The following AKR1B10 variants were observed in gnomAD, a reference collection of about 807,000 sequenced individuals.
The protein encoded by AKR1B10 is aldo-keto reductase family 1 member B10.
AKR1B10 carries 39 observed loss-of-function variants against 38.9 expected under a neutral mutation model. The observed-to-expected ratio is 1.00, with a 90% CI of 0.78 to 1.31. The LOEUF is 1.31. Ranked by LOEUF, AKR1B10 falls within the 50% of genes most tolerant of loss-of-function variation. The pLI is 0.00. For synonymous variants in AKR1B10, 148 were observed against 141.2 expected, an observed-to-expected ratio of 1.05 and a Z score of -0.34; for missense variants, 361 against 382.6, an observed-to-expected ratio of 0.94 and a Z score of 0.47.
chr7:134,541,073 T>G lies in AKR1B10; in HGVS notation c.935T>G (p.Phe312Cys). 6.3e-7 allele frequency: 1 copy of G among 1,582,530 alleles called. No homozygotes were observed. Among genetic ancestry groups the G allele is most frequent in the Non-Finnish European group, 8.7e-7 (1 of 1,152,342 alleles). Residue 312 changes from phenylalanine (F) to cysteine (C), a missense_variant, in exon 10 of 10, where the codon TTC (phenylalanine) becomes TGC (cysteine). Physicochemically the swap from Phe to Cys is radical, Grantham distance 205. Around this residue, in one of 3 missense-constraint regions of AKR1B10, gnomAD observed 132 missense variants for 134.6 expected, o/e 0.98. Coordinates refer to ENST00000359579, the MANE Select transcript of AKR1B10 (RefSeq NM_020299.5). ...LQSSHLEDYP[F>C]NAEY ...TCCTCTCATTTGGAAGACTATCCCT[T>G]CAATGCAGAATATTGAGGTTGAATC...
intron 4 of AKR1B10, among the ~76,000 whole-genome samples, chr7:134,533,705 A>G (rs747503143): frequency 6.6e-6 from 1 of 152,210 alleles, no homozygotes; most frequent in Admixed American, 6.5e-5. Context: ...CACCAAAGCC[A>G]TCAGCATGGT....
chr7:134,539,997 G>A (rs558359513), intron 9 of AKR1B10, among the ~76,000 whole-genome samples: 2 of 152,294 alleles, frequency 1.3e-5, no homozygotes, highest in South Asian at 4.1e-4. Flanking sequence ...GGAGGCCAAG[G>A]TGGGCTGATC....
intron 9 of AKR1B10, among the ~76,000 whole-genome samples, chr7:134,539,243 G>A (rs1196636929): frequency 6.6e-6 from 1 of 152,176 alleles, no homozygotes; most frequent in Non-Finnish European, 1.5e-5. Context: ...AATCATAACA[G>A]AAGGTGGGTT....
In AKR1B10 at chr7:134,536,783, T is replaced by C. The variant is rs1286982199; in HGVS notation, c.552+11T>C. The C allele has an allele frequency of 1.2e-6, 2 of 1,613,740 alleles. No homozygotes were observed. Among genetic ancestry groups the C allele is most frequent in the South Asian group, 1.1e-5 (1 of 91,070 alleles). On this transcript the variant is annotated intron_variant, in intron 5 of 9. Coordinates refer to ENST00000359579, the MANE Select transcript of AKR1B10 (RefSeq NM_020299.5). ...CCAGTGACTAACCAGGTAAATTCTA[T>C]TCAGTTTAAGGGTAAGGGTCCTGCC...
At chr7:134,530,571 C>A in intron 1 of AKR1B10, 72 bp from the exon 2 acceptor site, 1 of 1,562,634 alleles carries the variant, frequency 6.4e-7, no homozygotes, top group Non-Finnish European at 8.7e-7. Flanking sequence ...GTGAGGCCAG[C>A]CTGGGCAACA....
Position 134,530,813 on chromosome 7 carries a change from G to A in AKR1B10, c.234+3G>A, listed in dbSNP as rs2117537664. 6.2e-7 allele frequency: 1 copy of A among 1,607,356 alleles called. No homozygotes were observed. Among genetic ancestry groups the A allele is most frequent in the South Asian group, 1.1e-5 (1 of 89,626 alleles). On this transcript the variant is annotated splice_donor_region_variant and intron_variant, in intron 2 of 9. Transcript: ENST00000359579. Reference sequence around the variant, plus strand: ...AGGACCTGTTCATCGTCAGCAAGGTGCAATGGTGCATTTGGTGGGAGGCCT... The same window carrying A: ...AGGACCTGTTCATCGTCAGCAAGGTACAATGGTGCATTTGGTGGGAGGCCT...
intron 1 of AKR1B10, 116 bp from the exon 2 acceptor site, chr7:134,530,527 T>G: frequency 9.1e-7 from 1 of 1,099,076 alleles, no homozygotes; most frequent in Non-Finnish European, 1.3e-6. Context: ...TTCCAGCTAC[T>G]CGGGAGGTGG....
chr7:134,540,055 G>A lies in AKR1B10; in HGVS notation c.909-992G>A, dbSNP rs138763637. On this transcript the variant is annotated intron_variant, in intron 9 of 9. Transcript: ENST00000359579. ...ATCCTGGCTAACATGGTGAAACCCC[G>A]TCTCTACCAAAAATTAGCTGGGCGT... is the stretch of plus-strand genomic sequence containing the variant. Among the ~76,000 whole-genome samples the A allele has an allele frequency of 4.7e-3, 714 of 151,916 alleles. 8 individuals carry two copies. Among genetic ancestry groups the A allele is most frequent in the African/African-American group, 0.017 (691 of 41,438 alleles).
intron 2 of AKR1B10, among the ~76,000 whole-genome samples, chr7:134,531,012 T>C (rs1807841623): frequency 6.6e-6 from 1 of 152,188 alleles, no homozygotes; most frequent in South Asian, 2.1e-4. Context: ...CACCTGCCTG[T>C]AGGTTGGTTT....
intron 7 of AKR1B10, 146 bp downstream of exon 7, chr7:134,537,807 G>C (rs1585756979): frequency 3.2e-6 from 3 of 931,914 alleles, no homozygotes; most frequent in East Asian, 5.3e-5. Flanking sequence ...AAGTCTGTTG[G>C]AACCTCTAGG....
chr7:134,537,620 A>AT lies in AKR1B10; in HGVS notation c.702dup (p.Lys235Ter). The AT allele has an allele frequency of 1.2e-6, 2 of 1,614,126 alleles. No homozygotes were observed. Among genetic ancestry groups the AT allele is most frequent in the Non-Finnish European group, 1.7e-6 (2 of 1,179,984 alleles). ...CCCTTCCCTGCTGGAGGATCCCAAG[A>AT]TTAAGGAGATTGCTGCAAAGCACAA... On this transcript the variant is annotated frameshift_variant, in exon 7 of 10. Coordinates refer to ENST00000359579, the MANE Select transcript of AKR1B10 (RefSeq NM_020299.5). LOFTEE classifies it high-confidence loss of function.
chr7:134,534,091 T>C (rs1807935654), intron 4 of AKR1B10, among the ~76,000 whole-genome samples: 1 of 152,222 alleles, frequency 6.6e-6, no homozygotes, highest in Non-Finnish European at 1.5e-5. Flanking sequence ...GTGTATTGTT[T>C]GTTCAAAAGC....
chr7:134,534,611 T>C (rs1807949212), intron 4 of AKR1B10, among the ~76,000 whole-genome samples: 1 of 152,186 alleles, frequency 6.6e-6, no homozygotes, highest in Non-Finnish European at 1.5e-5. Flanking sequence ...TGATTTGAAA[T>C]GAGCAGGCTT....
chr7:134,540,305 G>C (rs138052137), intron 9 of AKR1B10, among the ~76,000 whole-genome samples: 2,060 of 152,258 alleles, frequency 0.014, 52 homozygotes, highest in African/African-American at 0.045. Context: ...AGTATCATAG[G>C]AGCCTTTCCT....
At chr7:134,532,433 T>A (rs1403791976) in intron 3 of AKR1B10, among the ~76,000 whole-genome samples, 1 of 152,148 alleles carries the variant, frequency 6.6e-6, no homozygotes, top group Admixed American at 6.5e-5. Flanking sequence ...GAGTGGCATC[T>A]TGGAGAAAAG....
chr7:134,535,585 CTTTTTTTTTT>C (rs58628862), intron 4 of AKR1B10: 28 of 410,552 alleles, frequency 6.8e-5, no homozygotes, highest in South Asian at 2.2e-4. Context: ...TCTTTTCTGT[CTTTTTTTTTT>C]TTTTTTTTTT....
rs1183827593 is a variant in AKR1B10, at chr7:134,528,035, T to A, written c.66+58T>A. The A allele has an allele frequency of 2.5e-6, 4 of 1,594,752 alleles. No individual in the cohort carries two copies. In the East Asian group the frequency reaches 6.7e-5, roughly 27 times the overall value. ...TCTGGAGGGGCGTTTGGGTGTTTTCTCTTTCTGCATTCAGCCAGGAAAGCC... is the reference window on the plus strand; with the variant it reads ...TCTGGAGGGGCGTTTGGGTGTTTTCACTTTCTGCATTCAGCCAGGAAAGCC... On this transcript the variant is annotated intron_variant, in intron 1 of 9. Coordinates refer to ENST00000359579, the MANE Select transcript of AKR1B10 (RefSeq NM_020299.5).
At chr7:134,540,535 G>C (rs1045075372) in intron 9 of AKR1B10, among the ~76,000 whole-genome samples, 2 of 152,186 alleles carry the variant, frequency 1.3e-5, no homozygotes, top group African/African-American at 4.8e-5. Context: ...TGGTTTATTA[G>C]CTGTGTGACA....
rs1808049858 is a variant in AKR1B10, at chr7:134,537,663, T to C, written c.741+2T>C. The C allele has an allele frequency of 1.2e-6, 2 of 1,613,908 alleles. No individual in the cohort carries two copies. The highest frequency in any genetic ancestry group is 1.7e-6 in the Non-Finnish European group (2 of 1,179,964). ...AAGCACAAAAAAACCGCAGCCCAGG[T>C]GCCATATTTTTATTTTTCTTGTTAT... is the stretch of plus-strand genomic sequence containing the variant. On this transcript the variant is annotated splice_donor_variant, in intron 7 of 9. Transcript: ENST00000359579. LOFTEE classifies it high-confidence loss of function.
Sources: allele counts gnomAD v4.1 joint callset (sites outside exome capture counted in the v4.1 genomes callset), GRCh38; gene constraint gnomAD v4.1.1; regional missense constraint gnomAD v4.1.1; transcripts MANE v1.5; gene names NCBI Gene and HGNC (gene_info 2026-07-23, HGNC 2026-07-21).